Variants in SCAI observed in about 807,000 individuals in gnomAD.
SCAI encodes the protein suppressor of cancer cell invasion.
SCAI carries 24 observed loss-of-function variants against 92.2 expected under a neutral mutation model. The observed-to-expected ratio is 0.26, with a 90% CI of 0.19 to 0.37. The LOEUF is 0.37. Among genes scored for constraint, SCAI ranks in the 10% least tolerant of loss-of-function variants. SCAI has a pLI of 1.00. For missense variants in SCAI, 450 were observed against 736.2 expected (o/e 0.61, Z 4.50); for synonymous variants, 261 against 258.6 (o/e 1.01, Z -0.09).
At chr9:125,075,604 T>G (rs2131171004) in intron 2 of SCAI, among the ~76,000 whole-genome samples, 1 of 151,008 alleles carries the variant, frequency 6.6e-6, no homozygotes, top group Admixed American at 6.6e-5. Flanking sequence ...TTCGCTCCTG[T>G]TGACCAGGCT....
At position 124,971,659 on chromosome 9, in the gene SCAI, T is replaced by C; in HGVS notation, c.1573+12A>G. On this transcript the variant is annotated intron_variant, in intron 16 of 17. Transcript: ENST00000336505. ...ACATTCTGTTAAACGTGCAGTTAGA[T>C]TAGGAGGGTACCTATTGAACGTGAA... 1 of 1,584,884 alleles carries C rather than the reference T, an allele frequency of 6.3e-7. No individual in the cohort carries two copies. Among genetic ancestry groups the C allele is most frequent in the Non-Finnish European group, 8.6e-7 (1 of 1,167,284 alleles).
At chr9:125,028,999 T>C (rs1350498214) in intron 4 of SCAI, among the ~76,000 whole-genome samples, 12 of 152,138 alleles carry the variant, frequency 7.9e-5, no homozygotes, top group Admixed American at 7.9e-4. Flanking sequence ...GGTTTCACCA[T>C]GTTAGCCAGG....
intron 2 of SCAI, among the ~76,000 whole-genome samples, chr9:125,094,446 C>G (rs1321258065): frequency 6.6e-6 from 1 of 152,220 alleles, no homozygotes; most frequent in Non-Finnish European, 1.5e-5. Flanking sequence ...CTCAAATCAT[C>G]TTATTGCATT....
chr9:125,020,644 A>G (rs372685406), intron 7 of SCAI, 29 bp downstream of exon 7: 20 of 976,086 alleles, frequency 2.0e-5, no homozygotes, highest in Non-Finnish European at 3.1e-5. Context: ...ACTAGAGATT[A>G]GAATTTGAAC....
intron 14 of SCAI, among the ~76,000 whole-genome samples, chr9:124,989,567 G>A (rs768860908): frequency 6.6e-6 from 1 of 151,928 alleles, no homozygotes; most frequent in Non-Finnish European, 1.5e-5. Context: ...GGTGACAAGA[G>A]TGAGACTGCA....
At chr9:124,997,244 T>G (rs1410571167) in intron 13 of SCAI, among the ~76,000 whole-genome samples, 1 of 152,202 alleles carries the variant, frequency 6.6e-6, no homozygotes, top group Non-Finnish European at 1.5e-5. Flanking sequence ...ATCATAGTCA[T>G]GCAGGTGCAC....
chr9:125,014,792 C>T (rs1385336732), intron 9 of SCAI, among the ~76,000 whole-genome samples: 1 of 152,164 alleles, frequency 6.6e-6, no homozygotes, highest in Non-Finnish European at 1.5e-5. Flanking sequence ...TACTACAAGG[C>T]TACAGTAACC....
At chr9:125,076,117 T>C (rs1243557307) in intron 2 of SCAI, among the ~76,000 whole-genome samples, 1 of 152,176 alleles carries the variant, frequency 6.6e-6, no homozygotes, top group Non-Finnish European at 1.5e-5. Context: ...TCGAGCAACA[T>C]CTCAGCATAC....
In SCAI at chr9:124,952,237, C is replaced by T. The variant is rs1831244040; in HGVS notation, c.*570G>A. 6.6e-6 allele frequency: 1 copy of T among 152,166 alleles called. No individual in the cohort carries two copies. The highest frequency in any genetic ancestry group is 1.5e-5 in the Non-Finnish European group (1 of 68,026). 9.4% of individuals were successfully genotyped at this position (152,166 alleles called of 1,614,324 possible). On this transcript the variant is annotated 3_prime_UTR_variant, in exon 18 of 18. Coordinates refer to ENST00000336505, the MANE Select transcript of SCAI (RefSeq NM_001144877.3). ...ATGTAGCTTTCAGATGCAATTCAATCCAATTTCTGAAATTATGACAGTATT... is the reference window on the plus strand; with the variant it reads ...ATGTAGCTTTCAGATGCAATTCAATTCAATTTCTGAAATTATGACAGTATT...
At chr9:124,968,282 C>A in intron 17 of SCAI, 1 of 1,152,234 alleles carries the variant, frequency 8.7e-7, no homozygotes, top group East Asian at 2.4e-5. Flanking sequence ...ATCCTTAAAA[C>A]CGGGCTGGGC....
intron 17 of SCAI, among the ~76,000 whole-genome samples, chr9:124,957,542 T>TG (rs1277437303): frequency 2.7e-5 from 4 of 150,244 alleles, no homozygotes; most frequent in Non-Finnish European, 5.9e-5. Context: ...TTTTTTTTTT[T>TG]TGTATTTTTA....
intron 9 of SCAI, among the ~76,000 whole-genome samples, chr9:125,017,895 T>C (rs563070187): frequency 5.3e-4 from 80 of 151,356 alleles, no homozygotes; most frequent in African/African-American, 1.8e-3. Context: ...TAATCCCAGC[T>C]ACTTGGGAGG....
At chr9:125,005,733 C>CTGGT (rs1309243800) in intron 9 of SCAI, among the ~76,000 whole-genome samples, 2 of 152,154 alleles carry the variant, frequency 1.3e-5, no homozygotes, top group Non-Finnish European at 2.9e-5. Context: ...TGGCTAAGAA[C>CTGGT]TGGTTGGTTG....
At chr9:125,029,782 T>C (rs756494537) in intron 3 of SCAI, 43 bp from the exon 4 acceptor site, 3 of 1,176,008 alleles carry the variant, frequency 2.6e-6, no homozygotes, top group Non-Finnish European at 3.7e-6. Context: ...AACTTCTTAT[T>C]CTATTTGGAA....
intron 2 of SCAI, among the ~76,000 whole-genome samples, chr9:125,073,218 C>A (rs1464738885): frequency 6.9e-6 from 1 of 145,812 alleles, no homozygotes; most frequent in Non-Finnish European, 1.5e-5. Context: ...CATTCTCCTG[C>A]CTCAGCCTCC....
chr9:125,127,965 A>G (rs964808276), intron 2 of SCAI, among the ~76,000 whole-genome samples: 13 of 151,796 alleles, frequency 8.6e-5, no homozygotes, highest in Non-Finnish European at 1.3e-4. Context: ...CTGAGATCAC[A>G]CCACTGCACT....
At chr9:125,074,276 AGAT>A (rs1290554115) in intron 2 of SCAI, among the ~76,000 whole-genome samples, 5 of 138,622 alleles carry the variant, frequency 3.6e-5, no homozygotes, top group African/African-American at 1.4e-4. Context: ...AAAAAAAAAA[AGAT>A]AGAGTCTCGC....
chr9:125,143,443 T>TC lies in SCAI; in HGVS notation c.-7dup, dbSNP rs2131282966. The TC allele has an allele frequency of 3.7e-6, 5 of 1,363,826 alleles. No homozygotes were observed. The highest frequency in any genetic ancestry group is 4.7e-6 in the Non-Finnish European group (5 of 1,055,760). The allele number at this position is 1,363,826 out of a possible 1,614,324, so 84.5% of individuals were successfully genotyped here. A position where few individuals can be genotyped will look rare whatever the true frequency, so the allele number is the denominator to read the frequency against. On this transcript the variant is annotated 5_prime_UTR_variant, in exon 1 of 18. Coordinates refer to ENST00000336505, the MANE Select transcript of SCAI (RefSeq NM_001144877.3). Reference sequence around the variant, plus strand: ...TGCCGGGCTCCTCTGACCATCCGGCTCCTGCTCCGCCGCGGGAGCTGCTCC... The same window carrying TC: ...TGCCGGGCTCCTCTGACCATCCGGCTCCCTGCTCCGCCGCGGGAGCTGCTCC...
intron 2 of SCAI, among the ~76,000 whole-genome samples, chr9:125,111,108 A>G (rs1329205012): frequency 6.6e-6 from 1 of 152,210 alleles, no homozygotes; most frequent in Non-Finnish European, 1.5e-5. Flanking sequence ...AGATGTAAAA[A>G]TCTTAAAACA....
Sources: gnomAD v4.1 joint callset for allele counts (sites outside exome capture counted in the v4.1 genomes callset) on GRCh38, gnomAD v4.1.1 for gene constraint, MANE v1.5 for transcripts, NCBI Gene and HGNC (gene_info 2026-07-23, HGNC 2026-07-21) for gene names.